TRHDE: variants seen among roughly 807,000 people sequenced by gnomAD.
The protein encoded by TRHDE is thyrotropin-releasing hormone-degrading ectoenzyme.
A neutral mutation model predicts 125.7 loss-of-function variants in TRHDE; 72 were observed. That is an observed-to-expected ratio of 0.57 (90% CI 0.47 to 0.70). The LOEUF is 0.70. Among genes scored for constraint, TRHDE ranks in the 30% least tolerant of loss-of-function variants. TRHDE has a pLI of 0.00. For missense variants in TRHDE, 1,110 were observed against 1,327.1 expected (o/e 0.84, Z 2.54); for synonymous variants, 509 against 509.1 (o/e 1.00, Z 0.00).
intron 6 of TRHDE, among the ~76,000 whole-genome samples, chr12:72,535,244 T>C (rs1448134812): frequency 1.3e-5 from 2 of 152,166 alleles, no homozygotes; most frequent in African/African-American, 4.8e-5. Flanking sequence ...TATGTTCTAA[T>C]TGTAGATACT....
intron 2 of TRHDE, among the ~76,000 whole-genome samples, chr12:72,122,930 AG>A (rs1333794570): frequency 6.6e-6 from 1 of 152,166 alleles, no homozygotes; most frequent in Non-Finnish European, 1.5e-5. Context: ...AGACAAAAAA[AG>A]TGAAAGCTAA....
chr12:72,376,378 C>T (rs1871883437), intron 2 of TRHDE, among the ~76,000 whole-genome samples: 2 of 152,138 alleles, frequency 1.3e-5, no homozygotes, highest in Admixed American at 6.5e-5. Context: ...TCAGATATTG[C>T]ATGTTTGTTC....
intron 2 of TRHDE, among the ~76,000 whole-genome samples, chr12:72,107,987 G>A (rs974532882): frequency 9.9e-5 from 15 of 151,838 alleles, no homozygotes; most frequent in Admixed American, 9.2e-4. Context: ...TGCTTTCCTC[G>A]GGTGTTTTTT....
chr12:72,261,689 A>G (rs1166325521), intron 2 of TRHDE, among the ~76,000 whole-genome samples: 1 of 152,162 alleles, frequency 6.6e-6, no homozygotes, highest in African/African-American at 2.4e-5. Flanking sequence ...CAAGTAAATC[A>G]TCCTGATGTT....
chr12:72,087,529 AAGG>A (rs1874696967), intron 1 of TRHDE: 1 of 152,208 alleles, frequency 6.6e-6, no homozygotes, highest in Admixed American at 6.5e-5. Flanking sequence ...GAAAGAAAGG[AAGG>A]AGGAGTAAGT....
intron 3 of TRHDE, among the ~76,000 whole-genome samples, chr12:72,453,268 T>C (rs1180436417): frequency 1.3e-5 from 2 of 152,206 alleles, no homozygotes; most frequent in Non-Finnish European, 1.5e-5. Flanking sequence ...GTCACTTATG[T>C]TTTGCCTAAG....
chr12:72,447,153 T>G (rs1875330660), intron 3 of TRHDE, among the ~76,000 whole-genome samples: 1 of 151,922 alleles, frequency 6.6e-6, no homozygotes, highest in Non-Finnish European at 1.5e-5. Flanking sequence ...GAACAGAAAT[T>G]ATAACAAACT....
At chr12:72,225,346 T>C (rs1399498644) in intron 2 of TRHDE, among the ~76,000 whole-genome samples, 1 of 152,184 alleles carries the variant, frequency 6.6e-6, no homozygotes, top group Non-Finnish European at 1.5e-5. Flanking sequence ...TTAAATAATA[T>C]TTATCACCAT....
intron 15 of TRHDE, among the ~76,000 whole-genome samples, chr12:72,629,288 AT>A (rs1350096902): frequency 6.6e-6 from 1 of 151,706 alleles, no homozygotes; most frequent in Non-Finnish European, 1.5e-5. Context: ...GTCAATAGTT[AT>A]TTTTTCAAAG....
chr12:72,158,218 G>A (rs1043070181), intron 2 of TRHDE, among the ~76,000 whole-genome samples: 2 of 152,010 alleles, frequency 1.3e-5, no homozygotes, highest in East Asian at 3.9e-4. Flanking sequence ...TCTGTAAAAG[G>A]GATGAGAGGA....
At chr12:72,558,777 T>C (rs1870038653) in intron 7 of TRHDE, among the ~76,000 whole-genome samples, 1 of 152,058 alleles carries the variant, frequency 6.6e-6, no homozygotes, top group African/African-American at 2.4e-5. Context: ...AGATAACCCT[T>C]TGCTAGAGGT....
At chr12:72,633,919 A>T (rs1360117752) in intron 15 of TRHDE, among the ~76,000 whole-genome samples, 1 of 152,106 alleles carries the variant, frequency 6.6e-6, no homozygotes, top group Non-Finnish European at 1.5e-5. Context: ...TCCATTACTC[A>T]TTTGGGAAAG....
At chr12:72,167,390 A>G (rs981399728) in intron 2 of TRHDE, 2 of 152,186 alleles carry the variant, frequency 1.3e-5, no homozygotes, top group Non-Finnish European at 2.9e-5. Context: ...TGGAAAGAAC[A>G]GTAATTTTCT....
chr12:72,562,073 C>A, intron 7 of TRHDE, 92 bp from the exon 8 acceptor site: 2 of 567,620 alleles, frequency 3.5e-6, no homozygotes. Context: ...TAATATAATT[C>A]CAACAAATGA....
chr12:72,469,868 T>G lies in TRHDE; in HGVS notation c.1426T>G (p.Leu476Val). ...TCCCAGTGTTTCATCTATTTCTTATTTGCTGGATGTCACCATGGTCATTGT... is the reference window on the plus strand; with the variant it reads ...TCCCAGTGTTTCATCTATTTCTTATGTGCTGGATGTCACCATGGTCATTGT... ...LDPSVSSISYLLDVTMVIVHE... is the reference protein window; with the variant it reads ...LDPSVSSISYVLDVTMVIVHE... Residue 476 changes from leucine (L) to valine (V), a missense_variant, in exon 4 of 19, where the codon TTG (leucine) becomes GTG (valine). Physicochemically the swap from Leu to Val is conservative, Grantham distance 32. Coordinates refer to ENST00000261180, the MANE Select transcript of TRHDE (RefSeq NM_013381.3). The G allele has an allele frequency of 6.2e-7, 1 of 1,614,096 alleles. No homozygotes were observed. The highest frequency in any genetic ancestry group is 1.1e-5 in the South Asian group (1 of 91,080).
At chr12:72,230,635 A>C (rs866489847) in intron 2 of TRHDE, among the ~76,000 whole-genome samples, 1 of 152,080 alleles carries the variant, frequency 6.6e-6, no homozygotes, top group African/African-American at 2.4e-5. Flanking sequence ...TATTTTAACA[A>C]ATTCCAGAGC....
chr12:72,148,425 T>G (rs1310425894), intron 2 of TRHDE, among the ~76,000 whole-genome samples: 7 of 152,302 alleles, frequency 4.6e-5, no homozygotes, highest in Non-Finnish European at 1.0e-4. Context: ...CATAACAAAT[T>G]TCATCCATAA....
chr12:72,567,495 T>C (rs1181942351), intron 9 of TRHDE, among the ~76,000 whole-genome samples: 1 of 151,920 alleles, frequency 6.6e-6, no homozygotes, highest in Non-Finnish European at 1.5e-5. Context: ...AATAATAAAA[T>C]AGTCAAATTT....
intron 6 of TRHDE, among the ~76,000 whole-genome samples, chr12:72,527,669 G>A (rs532490394): frequency 7.6e-4 from 115 of 151,102 alleles, no homozygotes; most frequent in Middle Eastern, 6.9e-3. Flanking sequence ...TATTATTTTC[G>A]TAAGAATCAC....
Sources: gnomAD v4.1 joint callset for allele counts (sites outside exome capture counted in the v4.1 genomes callset) on GRCh38, gnomAD v4.1.1 for gene constraint, MANE v1.5 for transcripts, NCBI Gene and HGNC (gene_info 2026-07-23, HGNC 2026-07-21) for gene names.